TCAIM: variants seen among roughly 807,000 people sequenced by gnomAD.
TCAIM encodes the protein T-cell activation inhibitor, mitochondrial.
In TCAIM, 36 loss-of-function variants were observed where a neutral mutation model predicts 58.6. The observed-to-expected ratio is 0.61, with a 90% CI of 0.47 to 0.81. TCAIM has a LOEUF of 0.81. Among genes scored for constraint, TCAIM ranks in the 30% least tolerant of loss-of-function variants. TCAIM has a pLI of 0.00. For missense variants in TCAIM, 466 were observed against 579.6 expected, an observed-to-expected ratio of 0.80 and a Z score of 2.01; for synonymous variants, 172 against 193.6, an observed-to-expected ratio of 0.89 and a Z score of 0.93.
intron 1 of TCAIM, among the ~76,000 whole-genome samples, chr3:44,354,224 T>G (rs1475867641): frequency 6.6e-6 from 1 of 152,228 alleles, no homozygotes; most frequent in Non-Finnish European, 1.5e-5. Context: ...TTAGTTGACT[T>G]TATTTGTATG....
intron 1 of TCAIM, among the ~76,000 whole-genome samples, chr3:44,349,126 A>G (rs978670360): frequency 2.0e-5 from 3 of 152,096 alleles, no homozygotes; most frequent in African/African-American, 7.2e-5. Context: ...ACAGAAAAGG[A>G]GGATTTAAAG....
At chr3:44,392,818 A>G in intron 5 of TCAIM, 37 bp from the exon 6 acceptor site, 1 of 1,574,472 alleles carries the variant, frequency 6.4e-7, no homozygotes, top group Non-Finnish European at 8.7e-7. Context: ...TGTATATTAT[A>G]GTTAGTATTG....
At chr3:44,350,670 C>T (rs1046185870) in intron 1 of TCAIM, among the ~76,000 whole-genome samples, 2 of 152,196 alleles carry the variant, frequency 1.3e-5, no homozygotes, top group Non-Finnish European at 2.9e-5. Flanking sequence ...TGAAGCAATA[C>T]TCCTGCTGCA....
At position 44,407,596 on chromosome 3, in the gene TCAIM, C is replaced by A. The variant is rs1034193574; in HGVS notation, c.1405C>A (p.Leu469Ile). The stretch of plus-strand genomic sequence containing the variant: ...ACTGCCTTACCTACATGGGATGCAC[C>A]TCTGCATTTCACATTTTTACTCTGT... ...QSLPYLHGMH[L>I]CISHFYSVMQ... is the part of the protein sequence containing the mutation. The change falls in exon 11 of 11, where the codon CTC becomes ATC. Residue 469 changes from leucine (L) to isoleucine (I), a missense_variant. Physicochemically the swap from Leu to Ile is conservative, Grantham distance 5 (BLOSUM62 2). Transcript: ENST00000342649. 2.5e-6 allele frequency: 4 copies of A among 1,613,860 alleles called. No homozygotes were observed. The highest frequency in any genetic ancestry group is 3.4e-6 in the Non-Finnish European group (4 of 1,179,916).
intron 3 of TCAIM, among the ~76,000 whole-genome samples, chr3:44,359,982 C>T (rs1701269227): frequency 6.6e-6 from 1 of 152,190 alleles, no homozygotes; most frequent in South Asian, 2.1e-4. Context: ...GCTGCTGCCT[C>T]TGTTTAGAGC....
At chr3:44,345,671 G>A (rs977947906) in intron 1 of TCAIM, among the ~76,000 whole-genome samples, 1 of 152,146 alleles carries the variant, frequency 6.6e-6, no homozygotes, top group African/African-American at 2.4e-5. Flanking sequence ...GGAGATAGCT[G>A]GGGAGAGGTA....
intron 5 of TCAIM, among the ~76,000 whole-genome samples, chr3:44,386,251 A>T (rs1701739830): frequency 6.7e-6 from 1 of 148,826 alleles, no homozygotes; most frequent in South Asian, 2.1e-4. Flanking sequence ...AATTAGCCAC[A>T]CCTATATAGT....
Position 44,344,517 on chromosome 3 carries a change from G to C in TCAIM, c.-45+5683G>C, listed in dbSNP as rs141662904. ...ACATCAAGATGTCTGCAGATTTGTT[G>C]TCTTGCTATAACTTCACATGGTAGG... On this transcript the variant is annotated intron_variant, in intron 1 of 10. Transcript: ENST00000342649. Among the ~76,000 whole-genome samples, 26 of 152,318 alleles carry C rather than the reference G, an allele frequency of 1.7e-4. No individual in the cohort carries two copies. The East Asian group carries it at 5.0e-3, about 29-fold the overall frequency.
intron 4 of TCAIM, among the ~76,000 whole-genome samples, chr3:44,364,456 T>C (rs1701340741): frequency 6.6e-6 from 1 of 152,106 alleles, no homozygotes; most frequent in African/African-American, 2.4e-5. Flanking sequence ...TAAAAATCTT[T>C]AGGCCATGCG....
intron 5 of TCAIM, among the ~76,000 whole-genome samples, chr3:44,386,871 GCA>G (rs1314275451): frequency 6.6e-6 from 1 of 152,208 alleles, no homozygotes; most frequent in Admixed American, 6.5e-5. Flanking sequence ...AGGTTCCTGG[GCA>G]GAAAGGGCCA....
intron 10 of TCAIM, among the ~76,000 whole-genome samples, chr3:44,405,842 CT>C (rs1341345121): frequency 1.9e-5 from 2 of 103,234 alleles, no homozygotes; most frequent in Admixed American, 2.2e-4. Flanking sequence ...ATCCCAGCTA[CT>C]TGGGAGGCTG....
chr3:44,364,325 G>A (rs556671402), intron 4 of TCAIM, among the ~76,000 whole-genome samples: 13 of 151,928 alleles, frequency 8.6e-5, no homozygotes, highest in East Asian at 1.9e-4. Context: ...AAAAGATGAT[G>A]CTAATACATA....
chr3:44,366,472 T>G lies in TCAIM; in HGVS notation c.320-984T>G, dbSNP rs1175424595. Among the ~76,000 whole-genome samples the G allele has an allele frequency of 6.6e-4, 97 of 145,990 alleles. 1 individual carries two copies. In the East Asian group the frequency reaches 0.017, roughly 25 times the overall value. ...CTGGCTAATTTTTGTTGTTTTTTTT[T>G]TTTTTTTTTTTGAGACAGAGTCTCG... On this transcript the variant is annotated intron_variant, in intron 4 of 10. Transcript: ENST00000342649.
chr3:44,388,820 G>T (rs1382097689), intron 5 of TCAIM, among the ~76,000 whole-genome samples: 3 of 152,114 alleles, frequency 2.0e-5, no homozygotes, highest in African/African-American at 7.2e-5. Flanking sequence ...TCACCAAGTT[G>T]TTCCAGGTTC....
At chr3:44,344,320 C>T (rs1700919356) in intron 1 of TCAIM, among the ~76,000 whole-genome samples, 1 of 152,156 alleles carries the variant, frequency 6.6e-6, no homozygotes, top group Non-Finnish European at 1.5e-5. Flanking sequence ...TGAAATGCTT[C>T]TGAAATGTGC....
chr3:44,349,129 A>T (rs1254175513), intron 1 of TCAIM, among the ~76,000 whole-genome samples: 1 of 152,034 alleles, frequency 6.6e-6, no homozygotes, highest in Non-Finnish European at 1.5e-5. Flanking sequence ...GAAAAGGAGG[A>T]TTTAAAGAAC....
At chr3:44,349,445 G>A (rs1029572944) in intron 1 of TCAIM, among the ~76,000 whole-genome samples, 5 of 152,140 alleles carry the variant, frequency 3.3e-5, no homozygotes, top group Admixed American at 6.5e-5. Flanking sequence ...GAGAACACAG[G>A]CTAAGGGAGA....
chr3:44,366,445 G>A (rs959126465), intron 4 of TCAIM, among the ~76,000 whole-genome samples: 5 of 145,308 alleles, frequency 3.4e-5, no homozygotes, highest in Middle Eastern at 3.4e-3. Context: ...CCACCACTGC[G>A]CCTGGCTAAT....
At chr3:44,398,011 A>G (rs992349836) in intron 8 of TCAIM, among the ~76,000 whole-genome samples, 2 of 151,882 alleles carry the variant, frequency 1.3e-5, no homozygotes, top group African/African-American at 4.8e-5. Flanking sequence ...AACTCTCAAA[A>G]TTCAGCAGAA....
Sources: allele counts gnomAD v4.1 joint callset (sites outside exome capture counted in the v4.1 genomes callset), GRCh38; gene constraint gnomAD v4.1.1; transcripts MANE v1.5; gene names NCBI Gene and HGNC (gene_info 2026-07-23, HGNC 2026-07-21).